The following MAPT variants were observed in gnomAD, a reference collection of about 807,000 sequenced individuals.
The protein encoded by MAPT is microtubule-associated protein tau.
A neutral mutation model predicts 67.9 loss-of-function variants in MAPT; 34 were observed. That is an observed-to-expected ratio of 0.50 (90% CI 0.38 to 0.67). MAPT has a LOEUF of 0.67. MAPT is among the 30% of genes least tolerant of loss of function. The pLI, the probability that MAPT is intolerant of heterozygous loss-of-function variation, is 0.00. For synonymous variants in MAPT, 456 were observed against 464.5 expected, an observed-to-expected ratio of 0.98 and a Z score of 0.23; for missense variants, 881 against 1,115.2, an observed-to-expected ratio of 0.79 and a Z score of 2.99.
chr17:45,920,658 G>C (rs1178652216), intron 1 of MAPT, among the ~76,000 whole-genome samples: 1 of 152,184 alleles, frequency 6.6e-6, no homozygotes, highest in Non-Finnish European at 1.5e-5. Flanking sequence ...GACAAGGTCT[G>C]GGGTGGTTGT....
chr17:45,983,397 A>G lies in MAPT; in HGVS notation c.818A>G (p.Gln273Arg). 6.2e-7 allele frequency: 1 copy of G among 1,607,480 alleles called. No homozygotes were observed. The highest frequency in any genetic ancestry group is 8.5e-7 in the Non-Finnish European group (1 of 1,176,860). ...LKHQLLGDLHQEGPPLKGAGG... is the reference protein window; with the variant it reads ...LKHQLLGDLHREGPPLKGAGG... ...CACCAGCTTCTAGGAGACCTGCACC[A>G]GGAGGGGCCGCCGCTGAAGGGGGCA... Residue 273 changes from glutamine to arginine, a missense_variant, in exon 5 of 13, where the codon CAG (glutamine) becomes CGG (arginine). By Grantham distance (43) the Gln-to-Arg change is conservative. Coordinates refer to ENST00000262410, the MANE Select transcript of MAPT (RefSeq NM_001377265.1).
chr17:45,900,986 G>T (rs2063576351), intron 1 of MAPT, among the ~76,000 whole-genome samples: 1 of 152,140 alleles, frequency 6.6e-6, no homozygotes, highest in Non-Finnish European at 1.5e-5. Context: ...GACCAGAGGG[G>T]TCTAAAGATC....
intron 3 of MAPT, among the ~76,000 whole-genome samples, chr17:45,972,465 T>G (rs2071809950): frequency 6.6e-6 from 1 of 152,236 alleles, no homozygotes; most frequent in Non-Finnish European, 1.5e-5. Flanking sequence ...GCACCTCGCA[T>G]ACTTTCTGAC....
At chr17:45,910,682 A>C (rs1384368709) in intron 1 of MAPT, 1 of 151,948 alleles carries the variant, frequency 6.6e-6, no homozygotes, top group East Asian at 1.9e-4. Context: ...AAAAAAAAAA[A>C]AAAACTAAGA....
At chr17:45,988,182 T>G (rs2073754425) in intron 6 of MAPT, among the ~76,000 whole-genome samples, 1 of 152,146 alleles carries the variant, frequency 6.6e-6, no homozygotes, top group Admixed American at 6.5e-5. Context: ...TCCTCTCCCA[T>G]TGCTACTTCA....
chr17:45,947,668 G>A (rs1013054917), intron 1 of MAPT, among the ~76,000 whole-genome samples: 4 of 152,084 alleles, frequency 2.6e-5, no homozygotes, highest in African/African-American at 9.7e-5. Flanking sequence ...GATTACAGGT[G>A]TGAGCCACCG....
At chr17:45,965,695 C>T (rs1046934843) in intron 2 of MAPT, among the ~76,000 whole-genome samples, 18 of 150,870 alleles carry the variant, frequency 1.2e-4, no homozygotes, top group Admixed American at 5.9e-4. Context: ...GGATTGCAGG[C>T]ATGAGCCACC....
At chr17:45,965,113 G>A (rs1031541147) in intron 2 of MAPT, among the ~76,000 whole-genome samples, 6 of 151,926 alleles carry the variant, frequency 3.9e-5, no homozygotes, top group South Asian at 2.1e-4. Flanking sequence ...CTATCCCAGC[G>A]CATCTGTTCT....
At chr17:45,943,210 T>G (rs562542408) in intron 1 of MAPT, among the ~76,000 whole-genome samples, 1 of 152,336 alleles carries the variant, frequency 6.6e-6, no homozygotes, top group East Asian at 1.9e-4. Flanking sequence ...TGCACCATCG[T>G]GCCTAGCTAA....
intron 11 of MAPT, 136 bp from the exon 12 acceptor site, chr17:46,018,481 AC>A: frequency 1.3e-6 from 1 of 781,592 alleles, no homozygotes; most frequent in Non-Finnish European, 2.4e-6. Context: ...GAGCAGTGGC[AC>A]CCAATCTAAT....
At chr17:45,930,930 A>G (rs1441625285) in intron 1 of MAPT, among the ~76,000 whole-genome samples, 1 of 152,150 alleles carries the variant, frequency 6.6e-6, no homozygotes, top group Non-Finnish European at 1.5e-5. Context: ...ACCTGCCAGG[A>G]GCACCATCTT....
chr17:45,918,983 G>A (rs2065438510), intron 1 of MAPT, among the ~76,000 whole-genome samples: 1 of 151,688 alleles, frequency 6.6e-6, no homozygotes, highest in Non-Finnish European at 1.5e-5. Context: ...AATTGCTTGA[G>A]CCCGGGAGGT....
intron 1 of MAPT, among the ~76,000 whole-genome samples, chr17:45,954,243 C>T (rs956762779): frequency 4.6e-5 from 7 of 152,178 alleles, no homozygotes; most frequent in Admixed American, 4.6e-4. Context: ...TATTTATGCT[C>T]GATGGCTGCT....
chr17:45,903,937 T>TATA (rs1568133065), intron 1 of MAPT, among the ~76,000 whole-genome samples: 5 of 25,662 alleles, frequency 1.9e-4, no homozygotes, highest in African/African-American at 8.0e-4. Context: ...ATTATATATT[T>TATA]ATATATAATA....
At chr17:45,978,066 A>G (rs2072558721) in intron 3 of MAPT, 1 of 408,990 alleles carries the variant, frequency 2.4e-6, no homozygotes, top group Non-Finnish European at 4.5e-6. Flanking sequence ...CTCTGACCTC[A>G]CTCAGCCTGT....
intron 1 of MAPT, among the ~76,000 whole-genome samples, chr17:45,938,933 C>G (rs1013801096): frequency 6.6e-6 from 1 of 151,592 alleles, no homozygotes. Context: ...TGTGCCTCAG[C>G]CTCCCAAGGA....
At chr17:45,951,828 G>C (rs1486733522) in intron 1 of MAPT, among the ~76,000 whole-genome samples, 1 of 152,080 alleles carries the variant, frequency 6.6e-6, no homozygotes, top group Non-Finnish European at 1.5e-5. Context: ...CCTAAAATGT[G>C]TTCCTTACCT....
In MAPT at chr17:45,904,359, TATATATTAA is replaced by T. The variant is rs1351517321; in HGVS notation, c.-18+9681_-18+9689del. ...TATTATATATATATTATATATATTA[TATATATTAA>T]ATATATTTTATATATATTATATATA... On this transcript the variant is annotated intron_variant, in intron 1 of 12. Transcript: ENST00000262410. 3.1e-3 allele frequency among the ~76,000 whole-genome samples: 278 copies of T among 88,850 alleles called. 5 individuals carry two copies. Among genetic ancestry groups the T allele is most frequent in the African/African-American group, 0.01 (261 of 25,312 alleles). The allele number at this position is 88,850 out of a possible 152,430, so 58.3% of individuals were successfully genotyped here.
chr17:45,954,064 T>C (rs548558767), intron 1 of MAPT, among the ~76,000 whole-genome samples: 1 of 152,300 alleles, frequency 6.6e-6, no homozygotes, highest in Non-Finnish European at 1.5e-5. Flanking sequence ...GTCTAAAAAC[T>C]CTGGCACGTG....
Sources: gnomAD v4.1 joint callset for allele counts (sites outside exome capture counted in the v4.1 genomes callset) on GRCh38, gnomAD v4.1.1 for gene constraint, MANE v1.5 for transcripts, NCBI Gene and HGNC (gene_info 2026-07-23, HGNC 2026-07-21) for gene names.